The following AGR3 variants were observed in gnomAD, a reference collection of about 807,000 sequenced individuals.
The protein encoded by AGR3 is anterior gradient protein 3.
Under a neutral mutation model 24.5 loss-of-function variants are expected in AGR3, and 37 were observed. The ratio of observed to expected loss-of-function variants is 1.51; its 90% CI spans 1.16 to 1.99. AGR3 has a LOEUF of 1.99. AGR3 is among the 30% of genes most tolerant of loss of function. The pLI is 0.00. For synonymous variants in AGR3, 75 were observed against 61.6 expected (o/e 1.22, Z -1.02); for missense variants, 228 against 191.1 (o/e 1.19, Z -1.14).
chr7:16,868,137 A>G (rs1486842931), intron 3 of AGR3, among the ~76,000 whole-genome samples: 1 of 150,102 alleles, frequency 6.7e-6, no homozygotes, highest in African/African-American at 2.4e-5. Context: ...TATTGTTTTC[A>G]TCTACCTGTT....
rs568149383 is a variant in AGR3, at chr7:16,873,178, A to G, written c.173+602T>C. Reference sequence around the variant, plus strand: ...GGAATCACTATTCACAATAGCCAAGATATAGAATCAACCTAAATGTCCATC... The same window carrying G: ...GGAATCACTATTCACAATAGCCAAGGTATAGAATCAACCTAAATGTCCATC... On this transcript the variant is annotated intron_variant, in intron 3 of 7. Transcript: ENST00000310398. 2.6e-5 allele frequency among the ~76,000 whole-genome samples: 4 copies of G among 152,316 alleles called. No homozygotes were observed. In the South Asian group the frequency reaches 8.3e-4, roughly 32 times the overall value.
chr7:16,855,468 G>T (rs1781543982), downstream of AGR3, among the ~76,000 whole-genome samples: 1 of 152,068 alleles, frequency 6.6e-6, no homozygotes, highest in Non-Finnish European at 1.5e-5. Flanking sequence ...CTAATACCAG[G>T]GGAGCCAAGT....
chr7:16,877,804 A>G (rs1449231254), intron 2 of AGR3, among the ~76,000 whole-genome samples: 1 of 150,168 alleles, frequency 6.7e-6, no homozygotes. Context: ...CAGAGCTTGC[A>G]GTGAGCCAAG....
intron 3 of AGR3, among the ~76,000 whole-genome samples, chr7:16,869,564 C>G (rs1359088972): frequency 1.3e-5 from 2 of 151,960 alleles, no homozygotes; most frequent in East Asian, 3.9e-4. Context: ...CCTGTCTCTA[C>G]CAAAAGTACA....
At chr7:16,873,881 A>G in intron 2 of AGR3, 38 bp from the exon 3 acceptor site, 1 of 1,493,612 alleles carries the variant, frequency 6.7e-7, no homozygotes, top group Non-Finnish European at 9.3e-7. Flanking sequence ...GTAACCCAGA[A>G]CTAGAGAAGA....
intron 3 of AGR3, chr7:16,864,779 A>G: frequency 9.4e-7 from 1 of 1,066,002 alleles, no homozygotes; most frequent in Non-Finnish European, 1.5e-6. Flanking sequence ...CAATGAGCAT[A>G]TCCTCCGGCT....
intron 3 of AGR3, among the ~76,000 whole-genome samples, chr7:16,870,498 A>C (rs1186089370): frequency 6.6e-6 from 1 of 152,034 alleles, no homozygotes; most frequent in Non-Finnish European, 1.5e-5. Context: ...TTTCCCAGTA[A>C]GCATAATGTT....
At chr7:16,869,852 T>G (rs1035893857) in intron 3 of AGR3, among the ~76,000 whole-genome samples, 1 of 151,900 alleles carries the variant, frequency 6.6e-6, no homozygotes, top group Non-Finnish European at 1.5e-5. Flanking sequence ...CTTTGTAAAA[T>G]GTTTAATAAT....
chr7:16,869,338 T>G (rs1360212826), intron 3 of AGR3, among the ~76,000 whole-genome samples: 1 of 152,240 alleles, frequency 6.6e-6, no homozygotes, highest in Non-Finnish European at 1.5e-5. Flanking sequence ...AAGTCTGTTT[T>G]ATCTAAGTAT....
chr7:16,864,753 T>C, intron 3 of AGR3: 1 of 1,280,668 alleles, frequency 7.8e-7, no homozygotes, highest in Non-Finnish European at 1.1e-6. Context: ...GTCAAAAACT[T>C]GATCCTTCTC....
At chr7:16,867,484 T>C (rs1022671228) in intron 3 of AGR3, among the ~76,000 whole-genome samples, 5 of 152,224 alleles carry the variant, frequency 3.3e-5, no homozygotes, top group African/African-American at 1.2e-4. Context: ...TTTAACATAT[T>C]CATCATCTCA....
At chr7:16,870,857 T>C (rs1382952042) in intron 3 of AGR3, among the ~76,000 whole-genome samples, 3 of 152,160 alleles carry the variant, frequency 2.0e-5, no homozygotes, top group Admixed American at 6.6e-5. Context: ...CTTCTTTCTT[T>C]TCTAATGCTT....
In AGR3 at chr7:16,860,593, A is replaced by T. The variant is rs542255848; in HGVS notation, c.368-10T>A. 6.3e-7 allele frequency: 1 copy of T among 1,598,554 alleles called. No individual in the cohort carries two copies. Among genetic ancestry groups the T allele is most frequent in the East Asian group, 2.2e-5 (1 of 44,782 alleles). On this transcript the variant is annotated splice_polypyrimidine_tract_variant and intron_variant, in intron 6 of 7. Transcript: ENST00000310398. Reference sequence around the variant, plus strand: ...ACTGTTAAAGAAGGGTCTGTCAAGGAAAAAACCAAGTCACGAAAGTATAAT... The same window carrying T: ...ACTGTTAAAGAAGGGTCTGTCAAGGTAAAAACCAAGTCACGAAAGTATAAT...
chr7:16,867,597 TC>T, intron 3 of AGR3, among the ~76,000 whole-genome samples: 1 of 152,268 alleles, frequency 6.6e-6, no homozygotes, highest in South Asian at 2.1e-4. Flanking sequence ...GTACAACAGA[TC>T]TCTTCAATTT....
rs902825275 is a variant in AGR3, at chr7:16,861,590, C to A, written c.304-143G>T. 4 of 672,994 alleles carry A rather than the reference C, an allele frequency of 5.9e-6. No individual in the cohort carries two copies. In the African/African-American group the frequency reaches 7.4e-5, roughly 12 times the overall value. The allele number at this position is 672,994 out of a possible 1,614,324, so 41.7% of individuals were successfully genotyped here. A position where few individuals can be genotyped will look rare whatever the true frequency, so the allele number is the denominator to read the frequency against. ...TTTCTGTATTAACCAATATTTAGCT[C>A]TTTGTGCTTTAAAAATAGAAAAAAA... On this transcript the variant is annotated intron_variant, in intron 5 of 7. Coordinates refer to ENST00000310398, the MANE Select transcript of AGR3 (RefSeq NM_176813.5).
Position 16,859,533 on chromosome 7 carries a change from C to T in AGR3, c.*49G>A. On this transcript the variant is annotated 3_prime_UTR_variant, in exon 8 of 8. Transcript: ENST00000310398. ...TATTTGTCAATGTGCCAGAGGTTTT[C>T]TTCATGAAATTTGACTTCTTTGAAG... is the stretch of plus-strand genomic sequence containing the variant. 7.7e-7 allele frequency: 1 copy of T among 1,299,640 alleles called. No individual in the cohort carries two copies. Among genetic ancestry groups the T allele is most frequent in the African/African-American group, 1.5e-5 (1 of 68,896 alleles). 80.5% of individuals were successfully genotyped at this position (1,299,640 alleles called of 1,614,324 possible). A position where few individuals can be genotyped will look rare whatever the true frequency, so the allele number is the denominator to read the frequency against.
At chr7:16,859,899 T>C (rs1437594622) in intron 7 of AGR3, among the ~76,000 whole-genome samples, 1 of 152,116 alleles carries the variant, frequency 6.6e-6, no homozygotes, top group African/African-American at 2.4e-5. Flanking sequence ...CACTTTGTAT[T>C]AGTATTGCTA....
chr7:16,859,871 T>C (rs1446531946), intron 7 of AGR3, among the ~76,000 whole-genome samples: 1 of 152,152 alleles, frequency 6.6e-6, no homozygotes, highest in African/African-American at 2.4e-5. Context: ...GAGGAGTACC[T>C]CTTTTTTTTT....
At chr7:16,880,526 C>CTCCT (rs1782094531) in intron 1 of AGR3, among the ~76,000 whole-genome samples, 1 of 39,242 alleles carries the variant, frequency 2.5e-5, no homozygotes, top group Non-Finnish European at 5.9e-5. Context: ...CCTCCTCTCC[C>CTCCT]CTCCCCTCCC....
Sources: allele counts gnomAD v4.1 joint callset (sites outside exome capture counted in the v4.1 genomes callset), GRCh38; gene constraint gnomAD v4.1.1; transcripts MANE v1.5; gene names NCBI Gene and HGNC (gene_info 2026-07-23, HGNC 2026-07-21).